Variants in ZDHHC21 observed in about 807,000 individuals in gnomAD.
ZDHHC21 encodes zDHHC palmitoyltransferase 21.
In ZDHHC21, 15 loss-of-function variants were observed where a neutral mutation model predicts 34.6. The ratio of observed to expected loss-of-function variants is 0.43; its 90% confidence interval spans 0.29 to 0.67. The LOEUF is 0.67. ZDHHC21 is among the 30% of genes least tolerant of loss of function. The probability of loss-of-function intolerance (pLI) is 0.14; values close to 1 mark genes in which losing one functional copy is unlikely to be tolerated. For missense variants in ZDHHC21, 344 were observed against 327.7 expected, an observed-to-expected ratio of 1.05 and a Z score of -0.38; for synonymous variants, 142 against 101.8, an observed-to-expected ratio of 1.40 and a Z score of -2.38.
chr9:14,660,973 A>T, intron 6 of ZDHHC21, among the ~76,000 whole-genome samples: 1 of 152,164 alleles, frequency 6.6e-6, no homozygotes, highest in East Asian at 1.9e-4. Context: ...ATCTATTACT[A>T]TTGTGAGAGC....
the ZDHHC21 span, among the ~76,000 whole-genome samples, chr9:14,592,753 C>T: frequency 2.0e-5 from 3 of 152,226 alleles, no homozygotes; most frequent in Admixed American, 2.0e-4. Flanking sequence ...GTTCAAGATA[C>T]ATCATATGCT....
In ZDHHC21 at chr9:14,640,781, G is replaced by A. The variant is rs903097376; in HGVS notation, c.505-769C>T. 5.9e-5 allele frequency among the ~76,000 whole-genome samples: 9 copies of A among 152,234 alleles called. No individual in the cohort carries two copies. In the East Asian group the frequency reaches 1.7e-3, roughly 29 times the overall value. ...AATGCCTAGATAGGAGGGAGGAATT[G>A]AAATGCTGTGATTTAAAGGCAGGTC... On this transcript the variant is annotated intron_variant, in intron 7 of 9. Coordinates refer to ENST00000380916, the MANE Select transcript of ZDHHC21 (RefSeq NM_178566.6).
At chr9:14,667,048 A>G in intron 5 of ZDHHC21, among the ~76,000 whole-genome samples, 2 of 80,266 alleles carry the variant, frequency 2.5e-5, no homozygotes, top group South Asian at 5.8e-4. Flanking sequence ...TCAAAAAATC[A>G]ATGAATCCAG....
intron 8 of ZDHHC21, among the ~76,000 whole-genome samples, chr9:14,636,591 C>T (rs1828351468): frequency 6.6e-6 from 1 of 152,082 alleles, no homozygotes; most frequent in Admixed American, 6.6e-5. Context: ...CAACCAACAG[C>T]TACAGAATAC....
rs1026816935 is a variant in ZDHHC21 at position 14,617,748 on chromosome 9, G to A, written c.*1218C>T. 6.6e-6 allele frequency: 1 copy of A among 151,834 alleles called. No homozygotes were observed. The highest frequency in any genetic ancestry group is 2.4e-5 in the African/African-American group (1 of 41,382). The allele number at this position is 151,834 out of a possible 1,614,324, so 9.4% of individuals were successfully genotyped here. A position where few individuals can be genotyped will look rare whatever the true frequency, so the allele number is the denominator to read the frequency against. On this transcript the variant is annotated 3_prime_UTR_variant, in exon 10 of 10. Coordinates refer to ENST00000380916, the MANE Select transcript of ZDHHC21 (RefSeq NM_178566.6). ...CTATTAGTAATTTACATTTGTACAA[G>A]GCTAATGATAAACACAGATCATTAT...
chr9:14,652,297 G>C (rs150027141), intron 7 of ZDHHC21, among the ~76,000 whole-genome samples: 1 of 151,514 alleles, frequency 6.6e-6, no homozygotes, highest in Non-Finnish European at 1.5e-5. Context: ...CCTTTTTTTA[G>C]TATAAGACTC....
chr9:14,692,484 C>A lies in ZDHHC21; in HGVS notation c.-225+745G>T, dbSNP rs116021092. ...TCTACTTTTAGAGACTGCTATATTGCAATATTTTAAAGTAATAATTGGTCA... is the reference window on the plus strand; with the variant it reads ...TCTACTTTTAGAGACTGCTATATTGAAATATTTTAAAGTAATAATTGGTCA... On this transcript the variant is annotated intron_variant, in intron 1 of 9. Transcript: ENST00000380916. 2.0e-5 allele frequency among the ~76,000 whole-genome samples: 3 copies of A among 151,918 alleles called. No individual in the cohort carries two copies. The South Asian group carries it at 6.2e-4, about 32-fold the overall frequency.
chr9:14,595,593 T>C, the ZDHHC21 span, among the ~76,000 whole-genome samples: 19 of 152,128 alleles, frequency 1.2e-4, no homozygotes, highest in Non-Finnish European at 2.5e-4. Context: ...TTGTGCACAA[T>C]ATAACAGGTG....
downstream of ZDHHC21, among the ~76,000 whole-genome samples, chr9:14,608,244 A>C (rs142560422): frequency 4.9e-4 from 75 of 152,298 alleles, no homozygotes; most frequent in African/African-American, 1.6e-3. Flanking sequence ...TCAATGTGGA[A>C]CTATAAAATC....
chr9:14,629,228 AT>A, intron 8 of ZDHHC21, among the ~76,000 whole-genome samples: 1 of 152,334 alleles, frequency 6.6e-6, no homozygotes, highest in East Asian at 1.9e-4. Context: ...GCAGAAAGAG[AT>A]GAAACTTTTG....
chr9:14,663,934 T>C (rs1419979250), intron 5 of ZDHHC21, among the ~76,000 whole-genome samples: 2 of 152,174 alleles, frequency 1.3e-5, no homozygotes, highest in Non-Finnish European at 2.9e-5. Context: ...AAGCATATCA[T>C]ATTCCACTCC....
At chr9:14,589,558 A>T in the ZDHHC21 span, 1 of 152,136 alleles carries the variant, frequency 6.6e-6, no homozygotes, top group Non-Finnish European at 1.5e-5. Flanking sequence ...AGAAATCTTC[A>T]TGAGATCTCC....
the ZDHHC21 span, among the ~76,000 whole-genome samples, chr9:14,599,040 G>C: frequency 6.6e-6 from 1 of 152,184 alleles, no homozygotes; most frequent in South Asian, 2.1e-4. Context: ...TAGGATTACA[G>C]ATGTGAGCCA....
the ZDHHC21 span, among the ~76,000 whole-genome samples, chr9:14,598,591 C>G: frequency 6.6e-6 from 1 of 151,670 alleles, no homozygotes; most frequent in Non-Finnish European, 1.5e-5. Flanking sequence ...GATTCTCCAT[C>G]AAAAGATTCC....
the ZDHHC21 span, among the ~76,000 whole-genome samples, chr9:14,590,250 C>T: frequency 2.0e-5 from 3 of 151,944 alleles, no homozygotes; most frequent in Non-Finnish European, 4.4e-5. Flanking sequence ...AACAAAAGGA[C>T]AGGCAGAAAA....
Position 14,613,641 on chromosome 9 carries a change from T to A in ZDHHC21, c.*5325A>T, listed in dbSNP as rs1394445965. 1 of 151,800 alleles carries A rather than the reference T, an allele frequency of 6.6e-6. No individual in the cohort carries two copies. Among genetic ancestry groups the A allele is most frequent in the Non-Finnish European group, 1.5e-5 (1 of 67,792 alleles). The allele number at this position is 151,800 out of a possible 1,614,324, so 9.4% of individuals were successfully genotyped here. On this transcript the variant is annotated 3_prime_UTR_variant, in exon 10 of 10. Coordinates refer to ENST00000380916, the MANE Select transcript of ZDHHC21 (RefSeq NM_178566.6). ...TGTTGAACTGTTATAAGAACGACATTACATGTTACAGATATTCAAAATACC... is the reference window on the plus strand; with the variant it reads ...TGTTGAACTGTTATAAGAACGACATAACATGTTACAGATATTCAAAATACC...
At chr9:14,688,612 A>T (rs1838708033) in intron 2 of ZDHHC21, among the ~76,000 whole-genome samples, 1 of 152,136 alleles carries the variant, frequency 6.6e-6, no homozygotes. Context: ...CTGTAATCCC[A>T]GCACTTTGGG....
intron 7 of ZDHHC21, among the ~76,000 whole-genome samples, chr9:14,656,491 A>G (rs371540519): frequency 6.6e-6 from 1 of 151,960 alleles, no homozygotes; most frequent in East Asian, 1.9e-4. Context: ...AATATATCAT[A>G]AACAAAACTA....
intron 5 of ZDHHC21, among the ~76,000 whole-genome samples, chr9:14,663,856 T>A (rs955301109): frequency 3.3e-5 from 5 of 152,154 alleles, no homozygotes; most frequent in South Asian, 4.2e-4. Context: ...TTTACATAGT[T>A]AAACTAGTAC....
Sources: allele counts gnomAD v4.1 joint callset (sites outside exome capture counted in the v4.1 genomes callset), GRCh38; gene constraint gnomAD v4.1.1; transcripts MANE v1.5; gene names NCBI Gene and HGNC (gene_info 2026-07-23, HGNC 2026-07-21).